The following ZNF273 variants were observed in gnomAD, a reference collection of about 807,000 sequenced individuals.
ZNF273 encodes the protein zinc finger protein 273.
Under a neutral mutation model 14.9 loss-of-function variants are expected in ZNF273, and 11 were observed. The observed-to-expected ratio is 0.74, with a 90% CI of 0.46 to 1.22. The LOEUF (loss-of-function observed/expected upper bound fraction) is 1.22. ZNF273 is among the 50% of genes most tolerant of loss of function. The probability of loss-of-function intolerance (pLI) is 0.00; values close to 1 mark genes in which losing one functional copy is unlikely to be tolerated. For synonymous variants in ZNF273, 199 were observed against 223.9 expected (o/e 0.89, Z 0.99); for missense variants, 577 against 660.6 (o/e 0.87, Z 1.39).
intron 3 of ZNF273, among the ~76,000 whole-genome samples, chr7:64,919,564 C>T (rs374876784): frequency 2.4e-4 from 36 of 152,116 alleles, no homozygotes; most frequent in African/African-American, 7.2e-4. Context: ...ACCTGGGAGG[C>T]GGAGGTTGCA....
chr7:64,883,885 A>T (rs933692181), downstream of ZNF273, among the ~76,000 whole-genome samples: 1 of 152,196 alleles, frequency 6.6e-6, no homozygotes. Flanking sequence ...GGACCATTGT[A>T]TGAGTGTTTC....
intron 1 of ZNF273, among the ~76,000 whole-genome samples, chr7:64,914,848 G>T (rs1435287794): frequency 4.4e-5 from 1 of 22,714 alleles, no homozygotes; most frequent in Non-Finnish European, 1.9e-4. Context: ...TTCTCAAGAT[G>T]CAGGTGTGTA....
downstream of ZNF273, among the ~76,000 whole-genome samples, chr7:64,891,923 C>T (rs908724729): frequency 6.6e-6 from 1 of 152,232 alleles, no homozygotes; most frequent in Non-Finnish European, 1.5e-5. Flanking sequence ...ACTGGCCTCT[C>T]TGCCTCCAAG....
chr7:64,924,572 A>G (rs1584009413), intron 3 of ZNF273: 1 of 152,174 alleles, frequency 6.6e-6, no homozygotes, highest in African/African-American at 2.4e-5. Flanking sequence ...TCATGAATCT[A>G]TTATTGTTTA....
chr7:64,896,939 T>A lies in ZNF273; in HGVS notation n.489-409T>A, dbSNP rs151113568. On this transcript the variant is annotated intron_variant and non_coding_transcript_variant, in intron 3 of 7. Coordinates refer to the ZNF273 transcript ENST00000527278. Reference sequence around the variant, plus strand: ...GTGAATAAATATAGAAAATGTGGTATATTTACACAATGGAATGCTATTCAG... The same window carrying A: ...GTGAATAAATATAGAAAATGTGGTAAATTTACACAATGGAATGCTATTCAG... Among the ~76,000 whole-genome samples, 590 of 152,356 alleles carry A rather than the reference T, an allele frequency of 3.9e-3. 11 individuals are homozygous for A. The highest frequency in any genetic ancestry group is 0.014 in the African/African-American group (571 of 41,570).
downstream of ZNF273, chr7:64,889,120 G>A (rs1791796745): frequency 1.0e-6 from 1 of 985,962 alleles, no homozygotes; most frequent in Non-Finnish European, 1.2e-6. The surrounding 1 kb of genome is among the most constrained non-coding windows in gnomAD (Gnocchi z 4.2). Flanking sequence ...AGCCAAGCAG[G>A]GATCCGGGCC....
intron 1 of ZNF273, among the ~76,000 whole-genome samples, chr7:64,908,381 C>A (rs2129062018): frequency 6.6e-6 from 1 of 152,328 alleles, no homozygotes; most frequent in Middle Eastern, 3.4e-3. Flanking sequence ...GGTACTTTTT[C>A]TGATCCTCTT....
downstream of ZNF273, among the ~76,000 whole-genome samples, chr7:64,934,995 G>A (rs1328579914): frequency 6.6e-6 from 1 of 151,858 alleles, no homozygotes; most frequent in Non-Finnish European, 1.5e-5. Flanking sequence ...TATAATGTAA[G>A]GTGTTTTAAC....
Position 64,929,228 on chromosome 7 carries a change from T to G in ZNF273, c.*190T>G. ...TGCTCATATCTTAACATCAGCGAGT[T>G]GGTATTTAATAAAAGCATTATCAAT... is the stretch of plus-strand genomic sequence containing the variant. On this transcript the variant is annotated 3_prime_UTR_variant, in exon 4 of 4. Transcript: ENST00000476120. 4.4e-6 allele frequency: 2 copies of G among 459,708 alleles called. No individual in the cohort carries two copies. The highest frequency in any genetic ancestry group is 7.5e-6 in the Non-Finnish European group (2 of 267,466). 28.5% of individuals were successfully genotyped at this position (459,708 alleles called of 1,614,324 possible).
At chr7:64,888,204 C>T (rs1791720496) in intron 1 of ZNF273, 1 of 757,474 alleles carries the variant, frequency 1.3e-6, no homozygotes. Context: ...TTCCCTGAAG[C>T]CTGGCTGCTG....
Position 64,903,371 on chromosome 7 carries a change from T to G in ZNF273, c.54T>G (p.Ile18Met). ...PPSVAPLPAGIGRSTAKTPGL... is the reference protein window; with the variant it reads ...PPSVAPLPAGMGRSTAKTPGL... Reference sequence around the variant, plus strand: ...CTGTGGCCCCGTTACCTGCAGGTATTGGGAGATCCACAGCTAAGACGCCAG... The same window carrying G: ...CTGTGGCCCCGTTACCTGCAGGTATGGGGAGATCCACAGCTAAGACGCCAG... Residue 18 changes from isoleucine to methionine, a missense_variant, in exon 1 of 4, where the codon ATT (isoleucine) becomes ATG (methionine). Coordinates refer to ENST00000476120, the MANE Select transcript of ZNF273 (RefSeq NM_021148.3). 10 of 1,613,622 alleles carry G rather than the reference T, an allele frequency of 6.2e-6. No individual in the cohort carries two copies. The highest frequency in any genetic ancestry group is 7.6e-6 in the Non-Finnish European group (9 of 1,179,646).
downstream of ZNF273, among the ~76,000 whole-genome samples, chr7:64,883,211 A>ACCCCCCCCC: frequency 1.0e-5 from 1 of 97,606 alleles, no homozygotes. Flanking sequence ...AGCCCAAATC[A>ACCCCCCCCC]CCACCCCCCC....
upstream of ZNF273, among the ~76,000 whole-genome samples, chr7:64,900,499 C>G (rs768037033): frequency 2.2e-4 from 34 of 152,162 alleles, no homozygotes; most frequent in Non-Finnish European, 4.7e-4. Context: ...AATCGAGCAG[C>G]AAACATGGAT....
At chr7:64,889,086 G>C (rs963398607), downstream of ZNF273, 1 of 985,844 alleles carries the variant, frequency 1.0e-6, no homozygotes, top group African/African-American at 1.7e-5. The surrounding 1 kb of genome is among the most constrained non-coding windows in gnomAD (Gnocchi z 4.2). Flanking sequence ...GCCGTTTTGC[G>C]GAAGGCACAG....
chr7:64,895,659 G>A (rs373349519), intron 3 of ZNF273, among the ~76,000 whole-genome samples: 5 of 152,182 alleles, frequency 3.3e-5, no homozygotes, highest in African/African-American at 4.8e-5. Flanking sequence ...GGCTCAACAA[G>A]AATTTAGACA....
rs926731999 is a variant in ZNF273 at position 64,888,509 on chromosome 7, A to T, written n.274-64A>T. On this transcript the variant is annotated intron_variant and non_coding_transcript_variant, in intron 1 of 1. Transcript: ENST00000471926. ...AAATGGGCCCACGAATACCCTATTG[A>T]TGGTGAGAATTAAGAGATACGAAAC... 1.0e-5 allele frequency: 10 copies of T among 985,710 alleles called. No homozygotes were observed. In the African/African-American group the frequency reaches 1.7e-4, roughly 17 times the overall value. 61.1% of individuals were successfully genotyped at this position (985,710 alleles called of 1,614,324 possible).
intron 1 of ZNF273, among the ~76,000 whole-genome samples, chr7:64,885,596 G>A (rs569186816): frequency 6.6e-6 from 1 of 152,310 alleles, no homozygotes; most frequent in South Asian, 2.1e-4. Flanking sequence ...CCTCTAGGTC[G>A]CCCTGGGTTA....
intron 1 of ZNF273, among the ~76,000 whole-genome samples, chr7:64,907,012 C>T (rs1583984614): frequency 6.6e-6 from 1 of 152,088 alleles, no homozygotes; most frequent in East Asian, 1.9e-4. Flanking sequence ...CTGAAGTCAG[C>T]ATGTTCTTAG....
intron 3 of ZNF273, among the ~76,000 whole-genome samples, chr7:64,926,712 G>A (rs1044308557): frequency 6.6e-6 from 1 of 152,052 alleles, no homozygotes; most frequent in African/African-American, 2.4e-5. Flanking sequence ...TCTTTATAAC[G>A]TATCTTTGTC....
Sources: gnomAD v4.1 joint callset for allele counts (sites outside exome capture counted in the v4.1 genomes callset) on GRCh38, gnomAD v4.1.1 for gene constraint, Gnocchi (gnomAD v3.1) non-coding constraint, MANE v1.5 for transcripts, NCBI Gene and HGNC (gene_info 2026-07-23, HGNC 2026-07-21) for gene names.